Variants in LINGO2 observed in about 807,000 individuals in gnomAD.
LINGO2 encodes leucine-rich repeat and immunoglobulin-like domain-containing nogo receptor-interacting protein 2.
A neutral mutation model predicts 30.6 loss-of-function variants in LINGO2; 14 were observed. That is an observed-to-expected ratio of 0.46 (90% CI 0.30 to 0.72). The LOEUF is 0.72. LINGO2 is among the 30% of genes least tolerant of loss of function. The probability of loss-of-function intolerance (pLI) is 0.07; values close to 1 mark genes in which losing one functional copy is unlikely to be tolerated. For missense variants in LINGO2, 729 were observed against 751.7 expected (o/e 0.97, Z 0.35); for synonymous variants, 317 against 288.5 (o/e 1.10, Z -1.00).
the LINGO2 span, among the ~76,000 whole-genome samples, chr9:28,872,067 T>C: frequency 1.9e-4 from 29 of 152,084 alleles, no homozygotes; most frequent in African/African-American, 6.3e-4. Context: ...AACTTCAAAA[T>C]CATCATAATT....
At chr9:28,343,282 T>C (rs534624686) in intron 3 of LINGO2, among the ~76,000 whole-genome samples, 28 of 152,256 alleles carry the variant, frequency 1.8e-4, no homozygotes, top group African/African-American at 6.7e-4. Flanking sequence ...AAATTGCCAA[T>C]AGCAGCAAAT....
chr9:29,065,492 C>T, the LINGO2 span, among the ~76,000 whole-genome samples: 3 of 152,038 alleles, frequency 2.0e-5, no homozygotes, highest in African/African-American at 7.2e-5. Flanking sequence ...ATATGGCTAG[C>T]CAGTTCTCTC....
the LINGO2 span, among the ~76,000 whole-genome samples, chr9:28,931,515 G>C: frequency 6.6e-6 from 1 of 152,120 alleles, no homozygotes; most frequent in Non-Finnish European, 1.5e-5. Flanking sequence ...TCTAATAAAG[G>C]TGTATTGCTA....
At chr9:28,897,269 A>T in the LINGO2 span, among the ~76,000 whole-genome samples, 1 of 152,186 alleles carries the variant, frequency 6.6e-6, no homozygotes, top group Non-Finnish European at 1.5e-5. Context: ...TAGAGAGAGC[A>T]GGCATAAATC....
At chr9:28,807,473 T>G in the LINGO2 span, among the ~76,000 whole-genome samples, 1 of 152,206 alleles carries the variant, frequency 6.6e-6, no homozygotes, top group Admixed American at 6.5e-5. Flanking sequence ...AGTTCAAGCA[T>G]AGTAACTGAA....
the LINGO2 span, among the ~76,000 whole-genome samples, chr9:29,173,873 T>C: frequency 1.5e-4 from 23 of 151,972 alleles, no homozygotes; most frequent in African/African-American, 5.3e-4. Context: ...AAAATAAGAG[T>C]AAATTTGTAC....
the LINGO2 span, among the ~76,000 whole-genome samples, chr9:28,936,238 T>G: frequency 2.0e-5 from 3 of 152,130 alleles, no homozygotes; most frequent in African/African-American, 7.2e-5. Flanking sequence ...TATCTTTTCT[T>G]TAAATTAATA....
the LINGO2 span, among the ~76,000 whole-genome samples, chr9:29,139,113 G>A: frequency 1.3e-5 from 2 of 152,152 alleles, no homozygotes; most frequent in Admixed American, 1.3e-4. Flanking sequence ...GCAAGAAACT[G>A]AGCGTAGCCT....
chr9:28,543,988 T>C (rs953958655), intron 1 of LINGO2, among the ~76,000 whole-genome samples: 2 of 152,006 alleles, frequency 1.3e-5, no homozygotes. Context: ...GCGGATCACT[T>C]GAGGTCAGGA....
At chr9:29,008,090 C>A in the LINGO2 span, among the ~76,000 whole-genome samples, 3 of 151,726 alleles carry the variant, frequency 2.0e-5, no homozygotes, top group Non-Finnish European at 2.9e-5. Context: ...CCTAACCCCA[C>A]GACAGGCCCT....
At chr9:29,177,263 T>C in the LINGO2 span, among the ~76,000 whole-genome samples, 1 of 152,196 alleles carries the variant, frequency 6.6e-6, no homozygotes, top group East Asian at 1.9e-4. Flanking sequence ...AAAAAATTTT[T>C]CCCAATAGAA....
chr9:29,199,184 T>C, the LINGO2 span, among the ~76,000 whole-genome samples: 1 of 152,030 alleles, frequency 6.6e-6, no homozygotes, highest in Admixed American at 6.6e-5. Context: ...AAAAGAAAGA[T>C]CTCTGGAGAC....
chr9:28,949,881 A>G, the LINGO2 span, among the ~76,000 whole-genome samples: 4 of 152,182 alleles, frequency 2.6e-5, no homozygotes, highest in Non-Finnish European at 4.4e-5. Context: ...AAAATCCTCA[A>G]TAAAATACTG....
At chr9:29,118,179 G>A in the LINGO2 span, among the ~76,000 whole-genome samples, 1 of 152,114 alleles carries the variant, frequency 6.6e-6, no homozygotes, top group Non-Finnish European at 1.5e-5. Flanking sequence ...GTTCCAAAGA[G>A]GTTGACTTAC....
intron 4 of LINGO2, among the ~76,000 whole-genome samples, chr9:28,043,933 G>T (rs1824304454): frequency 6.6e-6 from 1 of 152,170 alleles, no homozygotes. Flanking sequence ...ATCAAAATAA[G>T]ATTGTTCTAT....
At chr9:28,064,562 CCTAT>C (rs1453364727) in intron 4 of LINGO2, among the ~76,000 whole-genome samples, 1 of 152,084 alleles carries the variant, frequency 6.6e-6, no homozygotes, top group Non-Finnish European at 1.5e-5. Context: ...TCCACGTGGT[CCTAT>C]CTGTTAGTAA....
chr9:29,169,877 A>T, the LINGO2 span, among the ~76,000 whole-genome samples: 1 of 152,168 alleles, frequency 6.6e-6, no homozygotes. Flanking sequence ...ACGCGCCTGT[A>T]GTCTCAGCTA....
intron 4 of LINGO2, among the ~76,000 whole-genome samples, chr9:28,084,050 G>A (rs1825843298): frequency 6.6e-6 from 1 of 152,038 alleles, no homozygotes; most frequent in Admixed American, 6.6e-5. Context: ...AGTACAATCT[G>A]ATGAAATATT....
At chr9:28,446,450 GC>G (rs1291048230) in intron 2 of LINGO2, among the ~76,000 whole-genome samples, 6 of 152,174 alleles carry the variant, frequency 3.9e-5, no homozygotes, top group Non-Finnish European at 8.8e-5. Context: ...ACATTTATTA[GC>G]TATTTGTCCT....
Sources: gnomAD v4.1 joint callset for allele counts (sites outside exome capture counted in the v4.1 genomes callset) on GRCh38, gnomAD v4.1.1 for gene constraint, MANE v1.5 for transcripts, NCBI Gene and HGNC (gene_info 2026-07-23, HGNC 2026-07-21) for gene names.